PRCC: variants seen among roughly 807,000 people sequenced by gnomAD.
PRCC encodes proline rich mitotic checkpoint control factor, also known as proline-rich protein PRCC.
A neutral mutation model predicts 44.0 loss-of-function variants in PRCC; 10 were observed. The observed-to-expected ratio is 0.23, with a 90% CI of 0.14 to 0.39. The LOEUF (loss-of-function observed/expected upper bound fraction) is 0.39. Ranked by LOEUF, PRCC falls within the 10% of genes least tolerant of loss-of-function variation. The probability of loss-of-function intolerance (pLI) is 1.00; values close to 1 mark genes in which losing one functional copy is unlikely to be tolerated. For synonymous variants in PRCC, 278 were observed against 259.5 expected, an observed-to-expected ratio of 1.07 and a Z score of -0.69; for missense variants, 573 against 624.7, an observed-to-expected ratio of 0.92 and a Z score of 0.88.
chr1:156,773,541 G>C (rs1257431701), intron 1 of PRCC, among the ~76,000 whole-genome samples: 1 of 152,048 alleles, frequency 6.6e-6, no homozygotes, highest in Non-Finnish European at 1.5e-5. Flanking sequence ...TTGTGGCCCG[G>C]GACACTCTCA....
chr1:156,793,834 C>T (rs1433615487), intron 4 of PRCC, among the ~76,000 whole-genome samples: 1 of 151,934 alleles, frequency 6.6e-6, no homozygotes, highest in African/African-American at 2.4e-5. Context: ...CACTTTATTG[C>T]CCAGGCTTGT....
chr1:156,779,394 C>T (rs1265560866), intron 1 of PRCC, among the ~76,000 whole-genome samples: 5 of 150,410 alleles, frequency 3.3e-5, no homozygotes, highest in Non-Finnish European at 5.9e-5. Context: ...GACCAAGTCT[C>T]GCTCTATCAC....
At chr1:156,785,414 T>C (rs1652203273) in intron 2 of PRCC, among the ~76,000 whole-genome samples, 1 of 151,786 alleles carries the variant, frequency 6.6e-6, no homozygotes, top group Non-Finnish European at 1.5e-5. Context: ...CTCGGGAGGC[T>C]GAGGCAGAGA....
rs546416971 is a variant in PRCC at position 156,784,267 on chromosome 1, A to G, written c.516+1938A>G. Among the ~76,000 whole-genome samples the G allele has an allele frequency of 2.6e-5, 4 of 152,240 alleles. No homozygotes were observed. The East Asian group carries it at 7.7e-4, about 29-fold the overall frequency. On this transcript the variant is annotated intron_variant, in intron 2 of 6. Transcript: ENST00000271526. ...CGGCCCTGGTGTTTGTATTTATAGTAGATGAAAAAGGAGTCATGCAAGATG... is the reference window on the plus strand; with the variant it reads ...CGGCCCTGGTGTTTGTATTTATAGTGGATGAAAAAGGAGTCATGCAAGATG...
At chr1:156,774,157 CTTTTTTTTTTTTTTTTTTTTTTT>C (rs76271348) in intron 1 of PRCC, among the ~76,000 whole-genome samples, 4 of 54,008 alleles carry the variant, frequency 7.4e-5, no homozygotes, top group African/African-American at 2.5e-4. Flanking sequence ...TTTGAGTCAC[CTTTTTTTTTTTTTTTTTTTTTTT>C]TTTTTTTTTT....
In PRCC at chr1:156,775,664, C is replaced by T. The variant is rs111559733; in HGVS notation, c.469-6618C>T. On this transcript the variant is annotated intron_variant, in intron 1 of 6. Coordinates refer to ENST00000271526, the MANE Select transcript of PRCC (RefSeq NM_005973.5). Reference sequence around the variant, plus strand: ...TAGCTGGGACTACCGGCACCCGCCACCACCCCCGGCTAATTTTTGTATTTT... The same window carrying T: ...TAGCTGGGACTACCGGCACCCGCCATCACCCCCGGCTAATTTTTGTATTTT... Among the ~76,000 whole-genome samples the T allele has an allele frequency of 7.9e-5, 12 of 152,228 alleles. 1 individual carries two copies. The highest frequency in any genetic ancestry group is 2.6e-4 in the African/African-American group (11 of 41,562).
Position 156,767,955 on chromosome 1 carries a change from T to A in PRCC, c.184T>A (p.Phe62Ile). 1 of 1,580,784 alleles carries A rather than the reference T, an allele frequency of 6.3e-7. No individual in the cohort carries two copies. Among genetic ancestry groups the A allele is most frequent in the Non-Finnish European group, 8.6e-7 (1 of 1,163,442 alleles). ...PPPPQMLAPA[F>I]PPPLLLPPPT... ...GCCCCCTCAGATGCTGGCGCCAGCC[T>A]TTCCCCCGCCGCTGTTGCTTCCCCC... The change falls in exon 1 of 7, where the codon TTT becomes ATT. Residue 62 changes from phenylalanine to isoleucine, a missense_variant. By Grantham distance (21) the Phe-to-Ile change is conservative. Transcript: ENST00000271526.
At chr1:156,789,708 G>A (rs1233875509) in intron 3 of PRCC, among the ~76,000 whole-genome samples, 3 of 152,186 alleles carry the variant, frequency 2.0e-5, no homozygotes, top group African/African-American at 7.2e-5. Context: ...TACTTAACTG[G>A]CTCTCTCAGT....
At chr1:156,774,083 CA>C (rs1377516135) in intron 1 of PRCC, among the ~76,000 whole-genome samples, 1 of 147,366 alleles carries the variant, frequency 6.8e-6, no homozygotes, top group East Asian at 2.0e-4. Context: ...TAGCAGTTAC[CA>C]GGGGCTGGGG....
At chr1:156,791,183 ATAG>A (rs1652459687) in intron 3 of PRCC, 1 of 1,376,040 alleles carries the variant, frequency 7.3e-7, no homozygotes, top group African/African-American at 1.4e-5. Context: ...TTGTATCCTA[ATAG>A]TGGTTATTTT....
intron 1 of PRCC, among the ~76,000 whole-genome samples, chr1:156,771,873 G>A (rs1415775819): frequency 6.6e-6 from 1 of 152,108 alleles, no homozygotes; most frequent in Non-Finnish European, 1.5e-5. Context: ...TACCTCAGAA[G>A]GGACCTGCAT....
rs1491308804 is a variant in PRCC, at chr1:156,787,448, T to TATA, written c.1083+274_1083+275insATA. 7.7e-4 allele frequency among the ~76,000 whole-genome samples: 54 copies of TATA among 70,154 alleles called. 2 individuals are homozygous for TATA. The highest frequency in any genetic ancestry group is 2.2e-3 in the African/African-American group (52 of 23,534). 46.0% of individuals were successfully genotyped at this position (70,154 alleles called of 152,430 possible). Reference sequence around the variant, plus strand: ...CCATAATATTTGTACATATTTGTGATTGATATATATATATATATATATATA... The same window carrying TATA: ...CCATAATATTTGTACATATTTGTGATATATGATATATATATATATATATATATA... On this transcript the variant is annotated intron_variant, in intron 3 of 6. Coordinates refer to ENST00000271526, the MANE Select transcript of PRCC (RefSeq NM_005973.5).
At chr1:156,789,710 T>G (rs1448532193) in intron 3 of PRCC, among the ~76,000 whole-genome samples, 1 of 152,210 alleles carries the variant, frequency 6.6e-6, no homozygotes, top group Admixed American at 6.5e-5. Context: ...CTTAACTGGC[T>G]CTCTCAGTCT....
At chr1:156,769,895 C>T (rs1041806541) in intron 1 of PRCC, among the ~76,000 whole-genome samples, 6 of 152,108 alleles carry the variant, frequency 3.9e-5, no homozygotes. Flanking sequence ...CCGCAGCACC[C>T]GGCCACTTTC....
chr1:156,768,557 T>C (rs545062935), intron 1 of PRCC, among the ~76,000 whole-genome samples: 2 of 152,262 alleles, frequency 1.3e-5, no homozygotes, highest in South Asian at 4.2e-4. Flanking sequence ...CTTTTTCCCC[T>C]TTCCTCCTAC....
chr1:156,791,455 C>T lies in PRCC; in HGVS notation c.1084-242C>T, dbSNP rs146188206. The T allele has an allele frequency of 5.6e-4, 305 of 540,056 alleles. 1 individual carries two copies. Among genetic ancestry groups the T allele is most frequent in the African/African-American group, 5.5e-3 (289 of 52,874 alleles). 33.5% of individuals were successfully genotyped at this position (540,056 alleles called of 1,614,324 possible). The stretch of plus-strand genomic sequence containing the variant: ...AGAGACTGTCTTTGTTTCTTGTTAC[C>T]CTTTCCTAAAAAATATCCATCTGTC... On this transcript the variant is annotated intron_variant, in intron 3 of 6. Transcript: ENST00000271526.
chr1:156,779,118 ATATATATATATTTTTTTTTTTTTT>A (rs1651940226), intron 1 of PRCC, among the ~76,000 whole-genome samples: 1 of 19,094 alleles, frequency 5.2e-5, no homozygotes, highest in African/African-American at 2.8e-4. Context: ...ATATATATAT[ATATATATATATTTTTTTTTTTTTT>A]TTTTTTTTTT....
intron 1 of PRCC, among the ~76,000 whole-genome samples, chr1:156,775,602 C>G (rs908638696): frequency 2.6e-5 from 4 of 151,880 alleles, no homozygotes; most frequent in Non-Finnish European, 4.4e-5. Context: ...CCGCCGCCTC[C>G]CGGGTTCAAG....
chr1:156,773,871 TA>T (rs1651720628), intron 1 of PRCC, among the ~76,000 whole-genome samples: 1 of 152,136 alleles, frequency 6.6e-6, no homozygotes, highest in Non-Finnish European at 1.5e-5. Flanking sequence ...CACAAATGAA[TA>T]GGTAAAATGT....
Sources: allele counts gnomAD v4.1 joint callset (sites outside exome capture counted in the v4.1 genomes callset), GRCh38; gene constraint gnomAD v4.1.1; transcripts MANE v1.5; gene names NCBI Gene and HGNC (gene_info 2026-07-23, HGNC 2026-07-21).